Variants in YES1 observed in about 807,000 individuals in gnomAD.
The protein encoded by YES1 is YES proto-oncogene 1, Src family tyrosine kinase.
YES1 carries 39 observed loss-of-function variants against 70.4 expected under a neutral mutation model. The observed-to-expected ratio is 0.55, with a 90% CI of 0.43 to 0.72. The LOEUF (loss-of-function observed/expected upper bound fraction) is 0.72. Ranked by LOEUF, YES1 falls within the 30% of genes least tolerant of loss-of-function variation. The pLI is 0.00. For synonymous variants in YES1, 198 were observed against 218.6 expected (o/e 0.91, Z 0.83); for missense variants, 495 against 644.8 (o/e 0.77, Z 2.52).
chr18:756,534 A>G (rs780726492), intron 2 of YES1, 23 bp downstream of exon 2: 4 of 1,613,430 alleles, frequency 2.5e-6, no homozygotes, highest in South Asian at 1.1e-5. Context: ...AACAGACAAC[A>G]TAATTGTCCA....
At chr18:727,524 GCTT>G (rs772807700) in intron 11 of YES1, among the ~76,000 whole-genome samples, 2 of 151,722 alleles carry the variant, frequency 1.3e-5, no homozygotes, top group Admixed American at 6.6e-5. Context: ...CTCCTCTCTT[GCTT>G]TTTAATTTGA....
At chr18:726,891 T>C (rs1339184949) in intron 11 of YES1, among the ~76,000 whole-genome samples, 1 of 151,530 alleles carries the variant, frequency 6.6e-6, no homozygotes, top group Non-Finnish European at 1.5e-5. Context: ...CAAGGTTTAT[T>C]ACTATCCCCA....
rs145256073 is a variant in YES1 at position 812,016 on chromosome 18, C to CGCG, written c.-9+95_-9+97dup. ...ACTCGGGCCCGCGGGGGCGGGGAAC[C>CGCG]GCGGCGGCGGCGGCGGCGGCGGCTC... On this transcript the variant is annotated intron_variant, in intron 1 of 11. Transcript: ENST00000314574. The CGCG allele has an allele frequency of 8.9e-4, 149 of 168,074 alleles. 2 individuals carry two copies. Among genetic ancestry groups the CGCG allele is most frequent in the African/African-American group, 1.4e-3 (60 of 41,480 alleles). The allele number at this position is 168,074 out of a possible 1,614,324, so 10.4% of individuals were successfully genotyped here.
At chr18:783,155 C>G (rs1905761312) in intron 1 of YES1, among the ~76,000 whole-genome samples, 3 of 152,000 alleles carry the variant, frequency 2.0e-5, no homozygotes, top group South Asian at 4.1e-4. Flanking sequence ...GAGGCCAAGG[C>G]AGAGGATCAC....
chr18:803,410 A>G (rs1906924919), intron 1 of YES1, among the ~76,000 whole-genome samples: 1 of 152,348 alleles, frequency 6.6e-6, no homozygotes, highest in Middle Eastern at 3.4e-3. Context: ...TGGGTGGGAA[A>G]TAAAAAAAGC....
At position 773,001 on chromosome 18, in the gene YES1, G is replaced by A. The variant is rs553087905; in HGVS notation, c.-8-16166C>T. Among the ~76,000 whole-genome samples, 516 of 152,288 alleles carry A rather than the reference G, an allele frequency of 3.4e-3. 4 individuals are homozygous for A. The highest frequency in any genetic ancestry group is 5.3e-3 in the Non-Finnish European group (359 of 68,016). ...TGGTTTGGCTATAGGCTGGTCCTAT[G>A]GTTTCCTTAAGAGGCTGTGGACTAG... is the stretch of plus-strand genomic sequence containing the variant. On this transcript the variant is annotated intron_variant, in intron 1 of 11. Coordinates refer to ENST00000314574, the MANE Select transcript of YES1 (RefSeq NM_005433.4).
chr18:773,653 T>C (rs932616537), intron 1 of YES1, among the ~76,000 whole-genome samples: 1 of 152,212 alleles, frequency 6.6e-6, no homozygotes, highest in Non-Finnish European at 1.5e-5. Flanking sequence ...ATCCTGTCCA[T>C]TGTATAATAA....
chr18:775,424 C>A (rs1208010052), intron 1 of YES1, among the ~76,000 whole-genome samples: 1 of 152,138 alleles, frequency 6.6e-6, no homozygotes, highest in Non-Finnish European at 1.5e-5. Flanking sequence ...ATGCTATTAA[C>A]CCTGCTCAGT....
At chr18:768,095 T>C (rs1292431514) in intron 1 of YES1, among the ~76,000 whole-genome samples, 1 of 152,180 alleles carries the variant, frequency 6.6e-6, no homozygotes, top group African/African-American at 2.4e-5. Flanking sequence ...CCATATGGTG[T>C]CTGTAACAAC....
At chr18:795,747 G>A (rs539057864) in intron 1 of YES1, among the ~76,000 whole-genome samples, 71 of 144,956 alleles carry the variant, frequency 4.9e-4, no homozygotes, top group African/African-American at 1.8e-3. Flanking sequence ...ACACACTGGG[G>A]CCTGTTAGGG....
At chr18:766,514 G>A (rs1041470711) in intron 1 of YES1, among the ~76,000 whole-genome samples, 4 of 149,378 alleles carry the variant, frequency 2.7e-5, no homozygotes, top group Non-Finnish European at 4.5e-5. Context: ...ACTCTAATAG[G>A]AAGCAACCAT....
chr18:801,146 A>C (rs183149261), intron 1 of YES1, among the ~76,000 whole-genome samples: 13 of 152,162 alleles, frequency 8.5e-5, no homozygotes, highest in African/African-American at 2.9e-4. Flanking sequence ...ACTCCATCTC[A>C]AAAAAATATA....
Position 739,809 on chromosome 18 carries a change from T to C in YES1, c.1063A>G (p.Ser355Gly). 1 of 1,608,230 alleles carries C rather than the reference T, an allele frequency of 6.2e-7. No individual in the cohort carries two copies. Among genetic ancestry groups the C allele is most frequent in the South Asian group, 1.1e-5 (1 of 89,610 alleles). ...CCTTCCTTAAGGAAATCTAATAAGC[T>C]TCCTGTAACAGACAGCAAGATATTC... is the stretch of plus-strand genomic sequence containing the variant. The part of the protein sequence containing the change: ...YIVTEFMSKG[S>G]LLDFLKEGDG... The change falls in exon 9 of 12, where the codon AGC becomes GGC. Residue 355 changes from serine to glycine, a missense_variant and splice_region_variant. Around this residue, in one of 2 missense-constraint regions of YES1, gnomAD observed 385 missense variants for 540.9 expected, o/e 0.71. Coordinates refer to ENST00000314574, the MANE Select transcript of YES1 (RefSeq NM_005433.4).
intron 1 of YES1, among the ~76,000 whole-genome samples, chr18:794,210 G>A (rs981580517): frequency 1.3e-5 from 2 of 152,190 alleles, no homozygotes; most frequent in Non-Finnish European, 2.9e-5. Flanking sequence ...CGTGCCTCCT[G>A]ATGTCTTGTA....
At chr18:802,881 G>A (rs565455658) in intron 1 of YES1, among the ~76,000 whole-genome samples, 3 of 151,194 alleles carry the variant, frequency 2.0e-5, no homozygotes, top group East Asian at 2.0e-4. Flanking sequence ...CCAGGAGTTC[G>A]AGACAGCCTG....
chr18:747,867 T>C (rs933900384), intron 4 of YES1, 53 bp downstream of exon 4: 12 of 1,558,110 alleles, frequency 7.7e-6, no homozygotes, highest in Admixed American at 5.0e-5. Context: ...AGAATGTGCA[T>C]TAAAACATTT....
At chr18:805,678 C>T (rs1907062829) in intron 1 of YES1, among the ~76,000 whole-genome samples, 1 of 152,180 alleles carries the variant, frequency 6.6e-6, no homozygotes, top group Non-Finnish European at 1.5e-5. Flanking sequence ...CACCATATTG[C>T]CTTCTCTGCT....
intron 11 of YES1, 60 bp downstream of exon 11, chr18:732,774 T>C: frequency 6.2e-7 from 1 of 1,609,824 alleles, no homozygotes; most frequent in Non-Finnish European, 8.5e-7. Context: ...ATTCTGTTCC[T>C]AATAAACTCC....
chr18:756,911 T>C lies in YES1; in HGVS notation c.-8-76A>G, dbSNP rs2080414811. 26 of 1,399,718 alleles carry C rather than the reference T, an allele frequency of 1.9e-5. No homozygotes were observed. The South Asian group carries it at 3.6e-4, about 19-fold the overall frequency. 86.7% of individuals were successfully genotyped at this position (1,399,718 alleles called of 1,614,324 possible). On this transcript the variant is annotated intron_variant, in intron 1 of 11. Transcript: ENST00000314574. ...CAAAAAGACAGGGTTCAAAAAATCA[T>C]TTTAAGAAAAGCATATGCCATCCCT... is the stretch of plus-strand genomic sequence containing the variant.
Sources: allele counts gnomAD v4.1 joint callset (sites outside exome capture counted in the v4.1 genomes callset), GRCh38; gene constraint gnomAD v4.1.1; regional missense constraint gnomAD v4.1.1; transcripts MANE v1.5; gene names NCBI Gene and HGNC (gene_info 2026-07-23, HGNC 2026-07-21).